The following TDRD9 variants were observed in gnomAD, a reference collection of about 807,000 sequenced individuals.
TDRD9 encodes ATP-dependent RNA helicase TDRD9.
In TDRD9, 124 loss-of-function variants were observed where a neutral mutation model predicts 172.6. The observed-to-expected ratio is 0.72, with a 90% CI of 0.62 to 0.83. The LOEUF is 0.83. Ranked by LOEUF, TDRD9 falls within the 40% of genes least tolerant of loss-of-function variation. The pLI is 0.00. For missense variants in TDRD9, 1,479 were observed against 1,714.1 expected (o/e 0.86, Z 2.42); for synonymous variants, 619 against 617.1 (o/e 1.00, Z -0.05).
chr14:104,008,568 A>G, intron 20 of TDRD9, 102 bp downstream of exon 20: 1 of 770,214 alleles, frequency 1.3e-6, no homozygotes, highest in Non-Finnish European at 2.2e-6. Flanking sequence ...AGTAATGAGT[A>G]TTCCAAGAAG....
At chr14:103,999,832 A>G (rs1033386674) in intron 13 of TDRD9, among the ~76,000 whole-genome samples, 5 of 152,098 alleles carry the variant, frequency 3.3e-5, no homozygotes, top group Admixed American at 3.3e-4. Context: ...GTTAATTAAG[A>G]TTTCCCATTT....
Position 103,975,562 on chromosome 14 carries a change from G to A in TDRD9, c.1011+9G>A. ...ACATTCATCATAGCAAGGTATGTTA[G>A]AATGTGCTGTTTCTTTTATAGTGAG... On this transcript the variant is annotated intron_variant, in intron 7 of 35. Transcript: ENST00000409874. The A allele has an allele frequency of 6.3e-7, 1 of 1,589,060 alleles. No homozygotes were observed. The highest frequency in any genetic ancestry group is 8.6e-7 in the Non-Finnish European group (1 of 1,166,192).
chr14:103,964,549 A>G (rs2032652551), intron 3 of TDRD9, among the ~76,000 whole-genome samples: 1 of 151,930 alleles, frequency 6.6e-6, no homozygotes, highest in South Asian at 2.1e-4. Flanking sequence ...TTGTTTTGAG[A>G]TGGAGGCTTG....
intron 35 of TDRD9, among the ~76,000 whole-genome samples, chr14:104,051,075 C>T (rs1470809676): frequency 1.3e-5 from 2 of 152,164 alleles, no homozygotes; most frequent in Non-Finnish European, 2.9e-5. Context: ...CACCCAGGTA[C>T]TAAGCATAGT....
At chr14:103,982,278 C>T (rs1049122311) in intron 7 of TDRD9, among the ~76,000 whole-genome samples, 1 of 152,224 alleles carries the variant, frequency 6.6e-6, no homozygotes, top group African/African-American at 2.4e-5. Context: ...AGGCTGCTCT[C>T]CAGCCGTTGC....
Position 104,034,082 on chromosome 14 carries a change from T to C in TDRD9, c.3619+13T>C, listed in dbSNP as rs1327128607. The C allele has an allele frequency of 1.3e-6, 2 of 1,497,438 alleles. No homozygotes were observed. Among genetic ancestry groups the C allele is most frequent in the African/African-American group, 2.8e-5 (2 of 72,056 alleles). The allele number at this position is 1,497,438 out of a possible 1,614,324, so 92.8% of individuals were successfully genotyped here. ...ATCAATGCGACTGGTAATTTAAAGATCCTGTTTATTCCTTGTCCTCTCTTT... is the reference window on the plus strand; with the variant it reads ...ATCAATGCGACTGGTAATTTAAAGACCCTGTTTATTCCTTGTCCTCTCTTT... On this transcript the variant is annotated intron_variant, in intron 31 of 35. Transcript: ENST00000409874.
chr14:104,046,666 G>C (rs2035786533), intron 34 of TDRD9, among the ~76,000 whole-genome samples: 1 of 149,512 alleles, frequency 6.7e-6, no homozygotes, highest in Non-Finnish European at 1.5e-5. Flanking sequence ...TTTTTTTTGA[G>C]ACAGAGTCTT....
chr14:103,971,208 C>T (rs1304325872), intron 6 of TDRD9, among the ~76,000 whole-genome samples: 1 of 151,924 alleles, frequency 6.6e-6, no homozygotes, highest in African/African-American at 2.4e-5. Context: ...TGGTCTTGAT[C>T]TCCTGACCTC....
chr14:104,018,225 G>GCCTCCTTC, intron 23 of TDRD9, 33 bp downstream of exon 23: 1 of 1,283,424 alleles, frequency 7.8e-7, no homozygotes, highest in South Asian at 1.3e-5. Flanking sequence ...CTGCAATTAT[G>GCCTCCTTC]AAGGAGGCAT....
At chr14:103,989,435 T>G (rs1292882359) in intron 8 of TDRD9, among the ~76,000 whole-genome samples, 1 of 152,236 alleles carries the variant, frequency 6.6e-6, no homozygotes, top group East Asian at 1.9e-4. Context: ...GTCCATTGAC[T>G]ACTAAACTGA....
chr14:103,962,327 T>C (rs947081846), intron 2 of TDRD9, among the ~76,000 whole-genome samples: 5 of 152,224 alleles, frequency 3.3e-5, no homozygotes, highest in African/African-American at 1.2e-4. Flanking sequence ...TTAACTGTTT[T>C]GGTACCACTG....
At chr14:103,952,974 A>G (rs186622323) in intron 1 of TDRD9, among the ~76,000 whole-genome samples, 2,691 of 151,540 alleles carry the variant, frequency 0.018, 44 homozygotes, top group Middle Eastern at 0.041. Flanking sequence ...TCCTGACCTC[A>G]GGTGATCCAC....
chr14:103,968,720 C>T (rs1335840107), intron 5 of TDRD9, among the ~76,000 whole-genome samples: 10 of 129,182 alleles, frequency 7.7e-5, no homozygotes, highest in African/African-American at 1.2e-4. Context: ...GGCGTGAACC[C>T]GGGAGGCAGA....
chr14:103,934,885 T>C (rs1282464441), intron 1 of TDRD9, among the ~76,000 whole-genome samples: 1 of 152,230 alleles, frequency 6.6e-6, no homozygotes, highest in Non-Finnish European at 1.5e-5. Flanking sequence ...TGCCCAGATA[T>C]TTGGTCAGAC....
intron 20 of TDRD9, among the ~76,000 whole-genome samples, chr14:104,009,947 CTTT>C (rs553694826): frequency 1.3e-4 from 17 of 135,196 alleles, no homozygotes; most frequent in Admixed American, 1.5e-4. Context: ...TTCTTTCTTT[CTTT>C]TTTTTTTTTT....
In TDRD9 at chr14:103,986,206, A is replaced by G. The variant is rs770944820; in HGVS notation, c.1012-11A>G. The stretch of plus-strand genomic sequence containing the variant: ...TTTCGTATTGCGACTTTTTTCTTTC[A>G]CTGTTTTTAGCTCTCTCCTCATCTC... On this transcript the variant is annotated splice_polypyrimidine_tract_variant and intron_variant, in intron 7 of 35. Transcript: ENST00000409874. The G allele has an allele frequency of 3.3e-5, 53 of 1,608,236 alleles. No homozygotes were observed. The highest frequency in any genetic ancestry group is 4.2e-5 in the Non-Finnish European group (50 of 1,176,772).
At chr14:104,002,589 A>T (rs537009742) in intron 13 of TDRD9, among the ~76,000 whole-genome samples, 9 of 152,224 alleles carry the variant, frequency 5.9e-5, no homozygotes, top group African/African-American at 2.2e-4. Context: ...GATTGGCTGA[A>T]ACCCGGTGAT....
intron 20 of TDRD9, among the ~76,000 whole-genome samples, chr14:104,009,653 T>TA (rs551872167): frequency 6.6e-6 from 1 of 152,148 alleles, no homozygotes; most frequent in East Asian, 1.9e-4. Flanking sequence ...ACTTTTTAAT[T>TA]AAAAAAAATT....
At chr14:103,966,912 T>C in intron 5 of TDRD9, 81 bp downstream of exon 5, 1 of 1,267,160 alleles carries the variant, frequency 7.9e-7, no homozygotes, top group Non-Finnish European at 1.0e-6. Context: ...CCTGTCTTTG[T>C]GCCTGTCTCA....
Sources: gnomAD v4.1 joint callset for allele counts (sites outside exome capture counted in the v4.1 genomes callset) on GRCh38, gnomAD v4.1.1 for gene constraint, MANE v1.5 for transcripts, NCBI Gene and HGNC (gene_info 2026-07-23, HGNC 2026-07-21) for gene names.